FAM83A: variants seen among roughly 807,000 people sequenced by gnomAD.
FAM83A encodes the protein scaffolding CK1 anchoring protein A.
FAM83A carries 21 observed loss-of-function variants against 24.4 expected under a neutral mutation model. The ratio of observed to expected loss-of-function variants is 0.86; its 90% CI spans 0.61 to 1.24. FAM83A has a LOEUF of 1.24. FAM83A is among the 50% of genes most tolerant of loss of function. The probability of loss-of-function intolerance (pLI) is 0.00; values close to 1 mark genes in which losing one functional copy is unlikely to be tolerated. For missense variants in FAM83A, 617 were observed against 579.8 expected (o/e 1.06, Z -0.66); for synonymous variants, 270 against 252.4 (o/e 1.07, Z -0.66).
exon 4 of FAM83A, chr8:123,208,925 C>T (rs1056847043): frequency 1.0e-6 from 1 of 979,570 alleles, no homozygotes; most frequent in Non-Finnish European, 1.2e-6. Context: ...GATTGCATCA[C>T]TGCACTCCAG....
chr8:123,183,204 C>T, exon 1 of FAM83A: 1 of 1,613,652 alleles, frequency 6.2e-7, no homozygotes, highest in Non-Finnish European at 8.5e-7. Flanking sequence ...GCGAGCCGGC[C>T]CTACTGCACA....
At chr8:123,202,297 TCGCAGGG>T (rs1291446192) in intron 3 of FAM83A, 5 of 152,840 alleles carry the variant, frequency 3.3e-5, no homozygotes, top group African/African-American at 1.2e-4. Flanking sequence ...CTCTTTCGAG[TCGCAGGG>T]CCTTTGCACT....
chr8:123,182,027 G>A (rs1309653899), upstream of FAM83A: 6 of 456,066 alleles, frequency 1.3e-5, no homozygotes, highest in African/African-American at 6.0e-5. Flanking sequence ...TCACTCCAGC[G>A]CCAACACTGA....
intron 1 of FAM83A, among the ~76,000 whole-genome samples, chr8:123,187,238 G>A (rs992204119): frequency 2.0e-5 from 3 of 152,140 alleles, no homozygotes; most frequent in Non-Finnish European, 2.9e-5. Context: ...AGAGGCTGTC[G>A]GGGCCAGAGC....
chr8:123,203,855 G>A (rs1824449579), intron 3 of FAM83A, among the ~76,000 whole-genome samples: 1 of 150,472 alleles, frequency 6.6e-6, no homozygotes, highest in African/African-American at 2.4e-5. Context: ...TACTTAGGAG[G>A]CTGAGGCAGA....
exon 1 of FAM83A, chr8:123,182,726 G>T (rs750359761): frequency 7.4e-7 from 1 of 1,357,024 alleles, no homozygotes; most frequent in Non-Finnish European, 1.0e-6. Flanking sequence ...TGCCCTGCAC[G>T]CCGGTCCTGG....
chr8:123,183,378 G>A, intron 1 of FAM83A, 42 bp downstream of exon 1: 3 of 1,578,830 alleles, frequency 1.9e-6, no homozygotes, highest in Non-Finnish European at 2.6e-6. Flanking sequence ...CAAGTAGCAG[G>A]GAGGATCGGG....
chr8:123,198,991 C>T (rs1172663589), intron 3 of FAM83A, among the ~76,000 whole-genome samples: 9 of 152,150 alleles, frequency 5.9e-5, no homozygotes, highest in South Asian at 2.1e-4. Flanking sequence ...GCGCCCTCCT[C>T]GGCCTCCGAA....
At chr8:123,207,489 T>G (rs1586791770) in exon 4 of FAM83A, 3 of 1,583,546 alleles carry the variant, frequency 1.9e-6, no homozygotes, top group Non-Finnish European at 2.6e-6. Context: ...CCGCCCCGGT[T>G]CCAGCCCCAC....
At chr8:123,179,720 G>A (rs909395591), upstream of FAM83A, 1 of 152,154 alleles carries the variant, frequency 6.6e-6, no homozygotes, top group Non-Finnish European at 1.5e-5. Flanking sequence ...GGCTCTAGAG[G>A]GAAAAGTTTC....
chr8:123,199,380 A>G (rs1325485556), intron 3 of FAM83A, among the ~76,000 whole-genome samples: 1 of 152,210 alleles, frequency 6.6e-6, no homozygotes, highest in African/African-American at 2.4e-5. Context: ...CTTAACTAAC[A>G]TTGGTCTGTT....
exon 4 of FAM83A, chr8:123,208,731 C>T (rs1586792640): frequency 2.0e-6 from 2 of 985,560 alleles, no homozygotes; most frequent in South Asian, 9.4e-5. Context: ...CGTGGTGGCT[C>T]ATGCCTGTAA....
chr8:123,196,383 G>A (rs1418927184), intron 3 of FAM83A, among the ~76,000 whole-genome samples: 3 of 152,192 alleles, frequency 2.0e-5, no homozygotes, highest in African/African-American at 7.2e-5. Context: ...TAGTTATTGT[G>A]ATTGCTGATG....
upstream of FAM83A, chr8:123,182,174 A>G (rs1021108282): frequency 6.0e-5 from 27 of 453,460 alleles, 1 homozygote; most frequent in South Asian, 3.7e-4. Context: ...ACAATGACAA[A>G]CACTTGAGAG....
intron 1 of FAM83A, 79 bp downstream of exon 1, chr8:123,183,415 A>G: frequency 6.5e-7 from 1 of 1,533,724 alleles, no homozygotes; most frequent in Non-Finnish European, 8.8e-7. Flanking sequence ...AGGGGGGTGC[A>G]TTTTGCTCCC....
chr8:123,206,824 T>G (rs1824566137), intron 3 of FAM83A, among the ~76,000 whole-genome samples: 1 of 152,076 alleles, frequency 6.6e-6, no homozygotes, highest in Non-Finnish European at 1.5e-5. Context: ...TTGGTCCCCT[T>G]CCGTCCCTGC....
intron 1 of FAM83A, among the ~76,000 whole-genome samples, chr8:123,185,066 G>A (rs907164606): frequency 3.9e-5 from 6 of 152,194 alleles, no homozygotes; most frequent in Non-Finnish European, 8.8e-5. Context: ...AGTGTGGCTG[G>A]GCTGCTTGGA....
upstream of FAM83A, chr8:123,179,444 G>A (rs907214947): frequency 2.6e-5 from 4 of 152,222 alleles, no homozygotes; most frequent in South Asian, 4.1e-4. Context: ...CCAGAACCAT[G>A]AGCCAAATAA....
In FAM83A at chr8:123,207,482, C is replaced by G. The variant is rs1166596805; in HGVS notation, c.1099C>G (p.Pro367Ala). Residue 367 changes from proline (P) to alanine (A), a missense_variant, in exon 4 of 4, where the codon CCC becomes GCC. Physicochemically the swap from Pro to Ala is conservative, Grantham distance 27 (BLOSUM62 -1). Coordinates refer to ENST00000690554, the Ensembl canonical transcript of FAM83A. ...CGCGGCCCCACACCCGCCTCCACCG[C>G]CCCGGTTCCAGCCCCACCAAGGCCC... is the stretch of plus-strand genomic sequence containing the variant. 7.6e-6 allele frequency: 12 copies of G among 1,585,950 alleles called. No individual in the cohort carries two copies. The Admixed American group carries it at 1.5e-4, about 20-fold the overall frequency.
Sources: gnomAD v4.1 joint callset for allele counts (sites outside exome capture counted in the v4.1 genomes callset) on GRCh38, gnomAD v4.1.1 for gene constraint, MANE v1.5 for transcripts, NCBI Gene and HGNC (gene_info 2026-07-23, HGNC 2026-07-21) for gene names.